DCAF6: variants seen among roughly 807,000 people sequenced by gnomAD.
DCAF6 encodes DDB1- and CUL4-associated factor 6.
Under a neutral mutation model 125.1 loss-of-function variants are expected in DCAF6, and 54 were observed. The observed-to-expected ratio is 0.43, with a 90% CI of 0.35 to 0.54. DCAF6 has a LOEUF of 0.54. DCAF6 is among the 20% of genes least tolerant of loss of function. DCAF6 has a pLI of 0.01. For synonymous variants in DCAF6, 371 were observed against 390.4 expected, an observed-to-expected ratio of 0.95 and a Z score of 0.58; for missense variants, 934 against 1,161.7, an observed-to-expected ratio of 0.80 and a Z score of 2.85.
the DCAF6 span, chr1:167,878,425 A>G: frequency 1.9e-6 from 3 of 1,611,760 alleles, no homozygotes; most frequent in Non-Finnish European, 2.5e-6. Flanking sequence ...ATATACTTCA[A>G]AATTAATGCT....
chr1:167,972,314 T>A (rs1677454369), intron 3 of DCAF6, among the ~76,000 whole-genome samples: 1 of 152,252 alleles, frequency 6.6e-6, no homozygotes, highest in Non-Finnish European at 1.5e-5. Flanking sequence ...TTACCAACTA[T>A]ACATACATAA....
At chr1:167,976,195 G>A (rs1678126592) in intron 4 of DCAF6, among the ~76,000 whole-genome samples, 2 of 152,098 alleles carry the variant, frequency 1.3e-5, no homozygotes, top group South Asian at 2.1e-4. Context: ...GAGGCCAGAC[G>A]TGGTGGCTCA....
the DCAF6 span, among the ~76,000 whole-genome samples, chr1:167,904,365 C>T: frequency 1.3e-5 from 2 of 152,070 alleles, no homozygotes; most frequent in Admixed American, 1.3e-4. Context: ...GGATTGCAGG[C>T]GTGAGCCACC....
chr1:168,030,464 A>G (rs1190684295), intron 12 of DCAF6, among the ~76,000 whole-genome samples: 2 of 152,240 alleles, frequency 1.3e-5, no homozygotes, highest in Non-Finnish European at 2.9e-5. Context: ...AAGTGTTTAA[A>G]TTAGGGAGTA....
intron 3 of DCAF6, among the ~76,000 whole-genome samples, chr1:167,966,962 G>T (rs1318445047): frequency 6.6e-6 from 1 of 152,058 alleles, no homozygotes; most frequent in African/African-American, 2.4e-5. Flanking sequence ...TATTTAAATG[G>T]TTAATAATTG....
At chr1:167,967,853 C>T (rs943321980) in intron 3 of DCAF6, among the ~76,000 whole-genome samples, 4 of 151,560 alleles carry the variant, frequency 2.6e-5, no homozygotes, top group Non-Finnish European at 5.9e-5. Context: ...GCCTCAGCCT[C>T]CCAAGGATCT....
chr1:168,012,065 G>A (rs1409216758), intron 10 of DCAF6, among the ~76,000 whole-genome samples: 1 of 152,142 alleles, frequency 6.6e-6, no homozygotes. Flanking sequence ...GAGAAACATG[G>A]AGGTCAGTGA....
In DCAF6 at chr1:168,063,692, A is replaced by T; in HGVS notation, c.2372A>T (p.Asp791Val). Residue 791 changes from aspartate (D) to valine (V), a missense_variant, in exon 18 of 22, where the codon GAT becomes GTT. Physicochemically the swap from Asp to Val is radical, Grantham distance 152. Coordinates refer to ENST00000367840, the MANE Select transcript of DCAF6 (RefSeq NM_001198956.2). ...RKERKEMEEL[D>V]TLNIRRPLVK... ...GAAAGGAAAGAAATGGAAGAATTGG[A>T]TACTTTGAACATTAGAAGGCCGCTA... 6.2e-7 allele frequency: 1 copy of T among 1,604,962 alleles called. No homozygotes were observed. Among genetic ancestry groups the T allele is most frequent in the Non-Finnish European group, 8.5e-7 (1 of 1,176,480 alleles).
chr1:168,049,452 T>A lies in DCAF6; in HGVS notation c.2259-1440T>A, dbSNP rs868783794. Among the ~76,000 whole-genome samples, 1,071 of 146,272 alleles carry A rather than the reference T, an allele frequency of 7.3e-3. 10 individuals carry two copies. The highest frequency in any genetic ancestry group is 0.025 in the African/African-American group (989 of 39,030). On this transcript the variant is annotated intron_variant, in intron 16 of 21. Coordinates refer to ENST00000367840, the MANE Select transcript of DCAF6 (RefSeq NM_001198956.2). Reference sequence around the variant, plus strand: ...TGTTGTTTTTTTTTTTTTTTTTTTTTAGAAGAGACAGTCTCACTATGTTGA... The same window carrying A: ...TGTTGTTTTTTTTTTTTTTTTTTTTAAGAAGAGACAGTCTCACTATGTTGA...
intron 1 of DCAF6, 128 bp downstream of exon 1, chr1:167,937,136 G>T: frequency 3.9e-6 from 3 of 767,480 alleles, no homozygotes; most frequent in Non-Finnish European, 6.5e-6. Flanking sequence ...GGGGTGTTGG[G>T]TGGGGCCTTG....
chr1:167,903,049 G>A, the DCAF6 span, among the ~76,000 whole-genome samples: 1 of 152,138 alleles, frequency 6.6e-6, no homozygotes, highest in African/African-American at 2.4e-5. Flanking sequence ...GAGGTCAGGA[G>A]TTAGAGACCA....
Position 168,004,689 on chromosome 1 carries a change from C to T in DCAF6, c.1274C>T (p.Ser425Leu). The T allele has an allele frequency of 6.2e-7, 1 of 1,614,044 alleles. No homozygotes were observed. The highest frequency in any genetic ancestry group is 8.5e-7 in the Non-Finnish European group (1 of 1,179,926). ...STMSAQAHST[S>L]SPTESPHSTP... Reference sequence around the variant, plus strand: ...ATGTCAGCTCAGGCTCATTCGACATCATCTCCCACAGAAAGCCCTCATTCT... The same window carrying T: ...ATGTCAGCTCAGGCTCATTCGACATTATCTCCCACAGAAAGCCCTCATTCT... The change falls in exon 10 of 22, where the codon TCA (serine) becomes TTA (leucine). Residue 425 changes from serine (S) to leucine (L), a missense_variant. Around this residue, in one of 5 missense-constraint regions of DCAF6, gnomAD observed 559 missense variants for 635.5 expected, o/e 0.88. Transcript: ENST00000367840.
At chr1:167,882,756 G>A in the DCAF6 span, among the ~76,000 whole-genome samples, 9 of 152,208 alleles carry the variant, frequency 5.9e-5, no homozygotes, top group Admixed American at 2.0e-4. Context: ...CTCAGACGGG[G>A]ATGGCAGACT....
intron 12 of DCAF6, among the ~76,000 whole-genome samples, chr1:168,032,311 G>T (rs887746335): frequency 6.6e-6 from 1 of 152,210 alleles, no homozygotes; most frequent in Non-Finnish European, 1.5e-5. Context: ...AGGGTAGATA[G>T]ATCTTCTCTG....
the DCAF6 span, among the ~76,000 whole-genome samples, chr1:167,897,444 C>T: frequency 2.0e-5 from 3 of 149,848 alleles, no homozygotes; most frequent in Non-Finnish European, 4.4e-5. Flanking sequence ...TTGAAGTGAG[C>T]TGAGATCATG....
the DCAF6 span, among the ~76,000 whole-genome samples, chr1:167,879,398 GA>G: frequency 6.6e-6 from 1 of 152,098 alleles, no homozygotes; most frequent in African/African-American, 2.4e-5. Flanking sequence ...ACATAAACTT[GA>G]ATACTTCTGA....
At chr1:167,975,999 A>G (rs1240706136) in intron 4 of DCAF6, among the ~76,000 whole-genome samples, 3 of 152,092 alleles carry the variant, frequency 2.0e-5, no homozygotes, top group African/African-American at 7.2e-5. Context: ...ATGTACTTAT[A>G]TATATAGCTA....
At chr1:168,001,074 G>A (rs1025927263) in intron 7 of DCAF6, among the ~76,000 whole-genome samples, 9 of 152,150 alleles carry the variant, frequency 5.9e-5, no homozygotes, top group African/African-American at 2.2e-4. Flanking sequence ...GCAGAAGTGG[G>A]AGGATTGCTT....
intron 13 of DCAF6, among the ~76,000 whole-genome samples, chr1:168,039,497 C>G (rs1320148153): frequency 6.6e-6 from 1 of 150,492 alleles, no homozygotes; most frequent in African/African-American, 2.4e-5. Flanking sequence ...TTCCCACTAT[C>G]TCATGACCAT....
Sources: gnomAD v4.1 joint callset for allele counts (sites outside exome capture counted in the v4.1 genomes callset) on GRCh38, gnomAD v4.1.1 for gene constraint, gnomAD v4.1.1 regional missense constraint, MANE v1.5 for transcripts, NCBI Gene and HGNC (gene_info 2026-07-23, HGNC 2026-07-21) for gene names.